Variants in RALGPS2 observed in about 807,000 individuals in gnomAD.
The protein encoded by RALGPS2 is Ral GEF with PH domain and SH3 binding motif 2, also known as ras-specific guanine nucleotide-releasing factor RalGPS2.
RALGPS2 carries 43 observed loss-of-function variants against 86.8 expected under a neutral mutation model. That is an observed-to-expected ratio of 0.50 (90% CI 0.39 to 0.64). The LOEUF is 0.64. Among genes scored for constraint, RALGPS2 ranks in the 30% least tolerant of loss-of-function variants. The pLI is 0.00. For missense variants in RALGPS2, 536 were observed against 694.6 expected (o/e 0.77, Z 2.57); for synonymous variants, 243 against 231.3 (o/e 1.05, Z -0.46).
chr1:178,726,496 T>G (rs900168504), intron 1 of RALGPS2, among the ~76,000 whole-genome samples: 3 of 151,534 alleles, frequency 2.0e-5, no homozygotes, highest in African/African-American at 7.3e-5. Context: ...GAAAGGGCAC[T>G]GATGTTAGCT....
In RALGPS2 at chr1:178,877,524, A is replaced by G; in HGVS notation, c.634A>G (p.Ile212Val). 1 of 1,613,566 alleles carries G rather than the reference A, an allele frequency of 6.2e-7. No homozygotes were observed. The highest frequency in any genetic ancestry group is 8.5e-7 in the Non-Finnish European group (1 of 1,179,612). ...LGIYLSDLTY[I>V]DSAYPSTGSI... ...TATCTATTTGTCAGATTTAACATAC[A>G]TCGATTCAGCATACCCATCAACTGG... The change falls in exon 9 of 20, where the codon ATC becomes GTC. Residue 212 changes from isoleucine to valine, a missense_variant. Ile to Val is a conservative substitution (Grantham distance 29). Coordinates refer to ENST00000367635, the MANE Select transcript of RALGPS2 (RefSeq NM_152663.5).
In RALGPS2 at chr1:178,735,830, C is replaced by T. The variant is rs557227293; in HGVS notation, c.-84+10411C>T. Among the ~76,000 whole-genome samples the T allele has an allele frequency of 6.3e-4, 95 of 151,966 alleles. 1 individual carries two copies. Among genetic ancestry groups the T allele is most frequent in the Non-Finnish European group, 1.6e-4 (11 of 67,974 alleles). ...TATATTTCTGGGGATAATTGTATTG[C>T]ATTCAAAGATAGTTTCTACTATCAT... On this transcript the variant is annotated intron_variant, in intron 1 of 19. Coordinates refer to ENST00000367635, the MANE Select transcript of RALGPS2 (RefSeq NM_152663.5).
chr1:178,772,851 G>T lies in RALGPS2; in HGVS notation c.-83-3831G>T, dbSNP rs562050760. On this transcript the variant is annotated intron_variant, in intron 1 of 19. Transcript: ENST00000367635. ...CGGAGTCTCGCTGTCTCCCAAGGTG[G>T]AGTACAGTGGTGCAATCTCGGCTCA... Among the ~76,000 whole-genome samples, 47 of 152,252 alleles carry T rather than the reference G, an allele frequency of 3.1e-4. No individual in the cohort carries two copies. In the South Asian group the frequency reaches 5.4e-3, roughly 17 times the overall value.
At chr1:178,799,171 C>T (rs1654348098) in intron 4 of RALGPS2, among the ~76,000 whole-genome samples, 1 of 152,134 alleles carries the variant, frequency 6.6e-6, no homozygotes, top group African/African-American at 2.4e-5. Flanking sequence ...TCCTGAGTAG[C>T]TTGGATTACA....
intron 6 of RALGPS2, among the ~76,000 whole-genome samples, chr1:178,812,550 A>G (rs1161340645): frequency 6.6e-6 from 1 of 152,218 alleles, no homozygotes; most frequent in Non-Finnish European, 1.5e-5. Context: ...TCAGGGCTAT[A>G]TCTGTCCGTA....
rs559868523 is a variant in RALGPS2, at chr1:178,823,068, C to T, written c.480+1364C>T. Among the ~76,000 whole-genome samples the T allele has an allele frequency of 2.7e-4, 41 of 152,248 alleles. No individual in the cohort carries two copies. In the South Asian group the frequency reaches 4.6e-3, roughly 17 times the overall value. ...AACGCCTGATCTCAAGTGATCCTCC[C>T]GCCTTAGCCTCTCAAAGTGCTGGGA... On this transcript the variant is annotated intron_variant, in intron 7 of 19. Coordinates refer to ENST00000367635, the MANE Select transcript of RALGPS2 (RefSeq NM_152663.5).
At chr1:178,784,615 G>A in intron 3 of RALGPS2, 93 bp downstream of exon 3, 5 of 906,836 alleles carry the variant, frequency 5.5e-6, no homozygotes, top group Non-Finnish European at 6.3e-6. Context: ...AAAAGAGACA[G>A]CTTTTAGAAA....
intron 1 of RALGPS2, among the ~76,000 whole-genome samples, chr1:178,741,933 C>T (rs1209220694): frequency 4.6e-5 from 7 of 151,682 alleles, no homozygotes; most frequent in Non-Finnish European, 7.4e-5. Flanking sequence ...GTCAGGAGAT[C>T]GAGACCATCC....
intron 7 of RALGPS2, among the ~76,000 whole-genome samples, chr1:178,831,196 G>A (rs1180770204): frequency 1.3e-5 from 2 of 152,188 alleles, no homozygotes; most frequent in Non-Finnish European, 2.9e-5. Context: ...GATGGAAGAT[G>A]AGTCATGTGT....
chr1:178,867,593 G>A (rs1387807723), intron 8 of RALGPS2, among the ~76,000 whole-genome samples: 1 of 152,026 alleles, frequency 6.6e-6, no homozygotes, highest in Non-Finnish European at 1.5e-5. Context: ...GGAGTCTTAA[G>A]TTTATGTTTC....
At chr1:178,851,872 G>C (rs955857101) in intron 8 of RALGPS2, among the ~76,000 whole-genome samples, 1 of 152,102 alleles carries the variant, frequency 6.6e-6, no homozygotes, top group East Asian at 1.9e-4. Context: ...GGACAGGGAT[G>C]GGGGAGAATT....
chr1:178,838,194 A>G (rs1045307979), intron 8 of RALGPS2, among the ~76,000 whole-genome samples: 7 of 152,194 alleles, frequency 4.6e-5, no homozygotes, highest in African/African-American at 1.7e-4. Context: ...CGCAGCACAG[A>G]GTTTGAGATC....
intron 8 of RALGPS2, chr1:178,852,677 AC>A: frequency 1.2e-6 from 2 of 1,603,962 alleles, no homozygotes; most frequent in Non-Finnish European, 1.7e-6. Flanking sequence ...AGTTTTTCAT[AC>A]TTACCTGCAT....
intron 18 of RALGPS2, among the ~76,000 whole-genome samples, chr1:178,906,292 A>G (rs1272307596): frequency 3.3e-5 from 5 of 152,092 alleles, no homozygotes; most frequent in Admixed American, 6.5e-5. Flanking sequence ...CGAGAATCTC[A>G]TAAAGCTGGG....
intron 6 of RALGPS2, among the ~76,000 whole-genome samples, chr1:178,818,990 CTTT>C (rs58110181): frequency 1.8e-4 from 25 of 135,582 alleles, no homozygotes; most frequent in Non-Finnish European, 1.9e-4. Context: ...TTTTCTTTTT[CTTT>C]TTTTTTTTTT....
chr1:178,869,885 G>A (rs529782147), intron 8 of RALGPS2, among the ~76,000 whole-genome samples: 2 of 152,102 alleles, frequency 1.3e-5, no homozygotes, highest in South Asian at 4.1e-4. Context: ...AAAGCTCCCA[G>A]ATAGAATATT....
intron 6 of RALGPS2, among the ~76,000 whole-genome samples, chr1:178,813,080 A>G (rs1655063635): frequency 6.6e-6 from 1 of 151,758 alleles, no homozygotes; most frequent in South Asian, 2.1e-4. Context: ...CTACAGGTGC[A>G]TGCCACCACA....
At chr1:178,731,868 A>C (rs1650385110) in intron 1 of RALGPS2, among the ~76,000 whole-genome samples, 1 of 152,118 alleles carries the variant, frequency 6.6e-6, no homozygotes. Flanking sequence ...TTTGGGCAAT[A>C]CAATCCATTA....
At chr1:178,815,442 A>G (rs979868540) in intron 6 of RALGPS2, among the ~76,000 whole-genome samples, 1 of 152,068 alleles carries the variant, frequency 6.6e-6, no homozygotes, top group African/African-American at 2.4e-5. Flanking sequence ...AGTTCTCATA[A>G]GCTTTGCATG....
Sources: allele counts gnomAD v4.1 joint callset (sites outside exome capture counted in the v4.1 genomes callset), GRCh38; gene constraint gnomAD v4.1.1; transcripts MANE v1.5; gene names NCBI Gene and HGNC (gene_info 2026-07-23, HGNC 2026-07-21).